Variants in GLYATL2 observed in about 807,000 individuals in gnomAD.
GLYATL2 encodes the protein glycine-N-acyltransferase like 2, also known as glycine N-acyltransferase-like protein 2.
A neutral mutation model predicts 21.4 loss-of-function variants in GLYATL2; 25 were observed. That is an observed-to-expected ratio of 1.17 (90% CI 0.85 to 1.63). The LOEUF (loss-of-function observed/expected upper bound fraction) is 1.63, where lower values mean the gene tolerates loss of function less well. Among genes scored for constraint, GLYATL2 ranks in the 40% most tolerant of loss-of-function variants. The pLI is 0.00. For synonymous variants in GLYATL2, 114 were observed against 118.2 expected (o/e 0.96, Z 0.23); for missense variants, 361 against 343.3 (o/e 1.05, Z -0.41).
intron 1 of GLYATL2, among the ~76,000 whole-genome samples, chr11:58,882,080 C>A (rs954073892): frequency 6.6e-6 from 1 of 152,162 alleles, no homozygotes; most frequent in African/African-American, 2.4e-5. Context: ...ATTTATAATC[C>A]TTTGGGTATA....
chr11:58,840,218 C>A (rs1159860907), intron 1 of GLYATL2, among the ~76,000 whole-genome samples: 1 of 152,078 alleles, frequency 6.6e-6, no homozygotes, highest in Non-Finnish European at 1.5e-5. Flanking sequence ...TAGAAATTGG[C>A]AAGATCTAGG....
chr11:58,894,478 A>C (rs1243365065), intron 1 of GLYATL2, among the ~76,000 whole-genome samples: 2 of 150,742 alleles, frequency 1.3e-5, no homozygotes, highest in Non-Finnish European at 1.5e-5. Context: ...AGCTATAGCA[A>C]AAAAAAAAAA....
At chr11:58,846,519 C>T (rs376653839), upstream of GLYATL2, among the ~76,000 whole-genome samples, 3 of 151,062 alleles carry the variant, frequency 2.0e-5, no homozygotes, top group East Asian at 1.9e-4. Flanking sequence ...TCTCTGGGCA[C>T]GGGGGTAGAA....
At chr11:58,873,280 C>A (rs956617882) in intron 1 of GLYATL2, among the ~76,000 whole-genome samples, 9 of 151,654 alleles carry the variant, frequency 5.9e-5, no homozygotes, top group African/African-American at 2.2e-4. Flanking sequence ...CCTTTATTTC[C>A]TTCTCCTGCC....
At chr11:58,885,933 G>A (rs1461190661) in intron 1 of GLYATL2, among the ~76,000 whole-genome samples, 1 of 152,146 alleles carries the variant, frequency 6.6e-6, no homozygotes, top group Non-Finnish European at 1.5e-5. Flanking sequence ...TACCTCTCAG[G>A]GCCAAGCATG....
intron 1 of GLYATL2, among the ~76,000 whole-genome samples, chr11:58,892,065 G>C (rs138870376): frequency 3.9e-5 from 6 of 152,242 alleles, no homozygotes; most frequent in African/African-American, 1.4e-4. Flanking sequence ...TAGCTTATAG[G>C]CCTAGGTTTT....
At chr11:58,852,440 A>G (rs1242069541) in intron 1 of GLYATL2, among the ~76,000 whole-genome samples, 1 of 152,258 alleles carries the variant, frequency 6.6e-6, no homozygotes, top group East Asian at 1.9e-4. Context: ...AATGACCTAC[A>G]TTTATTGAGA....
At chr11:58,901,107 G>C (rs1269749359) in intron 1 of GLYATL2, among the ~76,000 whole-genome samples, 1 of 152,182 alleles carries the variant, frequency 6.6e-6, no homozygotes, top group South Asian at 2.1e-4. Flanking sequence ...GCTAAAAGGG[G>C]GCTGCCTGCG....
At chr11:58,873,910 T>C (rs570436714) in intron 1 of GLYATL2, among the ~76,000 whole-genome samples, 188 of 152,316 alleles carry the variant, frequency 1.2e-3, no homozygotes, top group Admixed American at 4.7e-3. Flanking sequence ...TGAATCCATC[T>C]GGTCCTGGAC....
At chr11:58,904,574 C>T (rs79619880), upstream of GLYATL2, among the ~76,000 whole-genome samples, 331 of 152,292 alleles carry the variant, frequency 2.2e-3, 3 homozygotes, top group Non-Finnish European at 1.9e-3. Flanking sequence ...ATTTACTCTC[C>T]GATGCATATT....
chr11:58,908,854 C>T (rs996927043), upstream of GLYATL2, among the ~76,000 whole-genome samples: 7 of 152,080 alleles, frequency 4.6e-5, no homozygotes, highest in African/African-American at 1.2e-4. Flanking sequence ...ACACTGTGTG[C>T]CTAGAATTGT....
intron 1 of GLYATL2, among the ~76,000 whole-genome samples, chr11:58,882,131 T>C (rs1215490944): frequency 6.6e-6 from 1 of 152,202 alleles, no homozygotes; most frequent in Non-Finnish European, 1.5e-5. Context: ...GTATTTCTAG[T>C]TCTAGATCCC....
At position 58,865,594 on chromosome 11, in the gene GLYATL2, G is replaced by A. The variant is rs181718434; in HGVS notation, n.61-27226C>T. Reference sequence around the variant, plus strand: ...GGGTTCTTGTCTCAGTTTTGCATATGCAATCATGTGTCCAGTTTCCAGGAC... The same window carrying A: ...GGGTTCTTGTCTCAGTTTTGCATATACAATCATGTGTCCAGTTTCCAGGAC... On this transcript the variant is annotated intron_variant and non_coding_transcript_variant, in intron 1 of 4. Transcript: ENST00000533636. 3.4e-5 allele frequency among the ~76,000 whole-genome samples: 5 copies of A among 149,040 alleles called. 1 individual carries two copies. Among genetic ancestry groups the A allele is most frequent in the African/African-American group, 1.2e-4 (5 of 41,232 alleles).
At chr11:58,847,260 C>T (rs966454260), upstream of GLYATL2, among the ~76,000 whole-genome samples, 4 of 152,190 alleles carry the variant, frequency 2.6e-5, no homozygotes, top group Non-Finnish European at 5.9e-5. Flanking sequence ...TGAGACTCAG[C>T]ACATTTCCAG....
At chr11:58,898,121 A>G (rs1854665436) in intron 1 of GLYATL2, among the ~76,000 whole-genome samples, 1 of 152,200 alleles carries the variant, frequency 6.6e-6, no homozygotes, top group South Asian at 2.1e-4. Context: ...TCATAATTGA[A>G]CACAAATTTC....
At chr11:58,901,766 G>A (rs948819) in intron 1 of GLYATL2, among the ~76,000 whole-genome samples, 2 of 151,950 alleles carry the variant, frequency 1.3e-5, no homozygotes, top group Admixed American at 6.5e-5. Flanking sequence ...ACCTCAATGG[G>A]TGACTGTGAA....
intron 1 of GLYATL2, among the ~76,000 whole-genome samples, chr11:58,890,832 T>A (rs1854530284): frequency 6.6e-6 from 1 of 152,030 alleles, no homozygotes; most frequent in Admixed American, 6.5e-5. Flanking sequence ...TAAAATGACT[T>A]ACCAGAAGTA....
At chr11:58,836,292 T>A (rs1853430069) in intron 5 of GLYATL2, among the ~76,000 whole-genome samples, 1 of 152,216 alleles carries the variant, frequency 6.6e-6, no homozygotes, top group South Asian at 2.1e-4. Flanking sequence ...AGCTACTTCA[T>A]TCTTTTTAAT....
intron 1 of GLYATL2, among the ~76,000 whole-genome samples, chr11:58,863,244 G>A (rs1225107535): frequency 2.6e-5 from 4 of 152,194 alleles, no homozygotes; most frequent in African/African-American, 9.7e-5. Flanking sequence ...GCTCTGATGT[G>A]GGCATTGATC....
Sources: allele counts gnomAD v4.1 joint callset (sites outside exome capture counted in the v4.1 genomes callset), GRCh38; gene constraint gnomAD v4.1.1; transcripts MANE v1.5; gene names NCBI Gene and HGNC (gene_info 2026-07-23, HGNC 2026-07-21).